Variants in FSHR observed in about 807,000 individuals in gnomAD.
FSHR encodes follicle-stimulating hormone receptor.
A neutral mutation model predicts 52.1 loss-of-function variants in FSHR; 46 were observed. That is an observed-to-expected ratio of 0.88 (90% CI 0.70 to 1.13). The LOEUF is 1.13. Among genes scored for constraint, FSHR ranks in the 50% most tolerant of loss-of-function variants. FSHR has a pLI of 0.00. For synonymous variants in FSHR, 399 were observed against 309.6 expected (o/e 1.29, Z -3.03); for missense variants, 964 against 834.6 (o/e 1.16, Z -1.91).
In FSHR at chr2:48,988,999, G is replaced by T. The variant is rs770051280; in HGVS notation, c.502C>A (p.Leu168Met). 1.9e-6 allele frequency: 3 copies of T among 1,613,868 alleles called. No individual in the cohort carries two copies. Reference protein sequence around the residue: ...HTIERNSFVGLSFESVILWLN... With the variant: ...HTIERNSFVGMSFESVILWLN... ...TACAGAATCACACTTTCAAAGCTCA[G>T]CCCCACGAAAGAATTTCTTTCAATT... Residue 168 changes from leucine (L) to methionine (M), a missense_variant, in exon 6 of 10, where the codon CTG becomes ATG. Physicochemically the swap from Leu to Met is conservative, Grantham distance 15. Coordinates refer to ENST00000406846, the MANE Select transcript of FSHR (RefSeq NM_000145.4).
intron 2 of FSHR, among the ~76,000 whole-genome samples, chr2:49,021,321 G>A (rs1465168848): frequency 6.6e-6 from 1 of 152,066 alleles, no homozygotes; most frequent in African/African-American, 2.4e-5. Flanking sequence ...AGGAGAGAGG[G>A]CAGCTTAATC....
intron 4 of FSHR, among the ~76,000 whole-genome samples, chr2:49,000,934 T>C (rs1167657375): frequency 1.3e-5 from 2 of 152,120 alleles, no homozygotes; most frequent in African/African-American, 4.8e-5. Context: ...CTGACCCAGA[T>C]TTTTCTTCTA....
At chr2:49,130,892 T>A (rs1242605067) in intron 1 of FSHR, among the ~76,000 whole-genome samples, 1 of 152,190 alleles carries the variant, frequency 6.6e-6, no homozygotes, top group Non-Finnish European at 1.5e-5. Flanking sequence ...AAGGGGGCTG[T>A]TATAGAGTTC....
At chr2:49,063,592 C>T (rs1182943801) in intron 2 of FSHR, among the ~76,000 whole-genome samples, 1 of 152,070 alleles carries the variant, frequency 6.6e-6, no homozygotes, top group Non-Finnish European at 1.5e-5. Context: ...ACTGCATGTT[C>T]TCACTCATAT....
intron 1 of FSHR, among the ~76,000 whole-genome samples, chr2:49,130,347 A>G (rs932596969): frequency 2.6e-5 from 4 of 152,156 alleles, no homozygotes; most frequent in Non-Finnish European, 4.4e-5. Flanking sequence ...TCCTGGGGTA[A>G]ATCGCTTAAT....
At chr2:49,120,704 A>G (rs1343518574) in intron 1 of FSHR, among the ~76,000 whole-genome samples, 1 of 86,934 alleles carries the variant, frequency 1.2e-5, no homozygotes, top group Non-Finnish European at 2.4e-5. Context: ...CTTTGGACAT[A>G]TTATACAACC....
chr2:49,051,779 CT>C (rs1443855092), intron 2 of FSHR, among the ~76,000 whole-genome samples: 8 of 146,864 alleles, frequency 5.4e-5, no homozygotes, highest in African/African-American at 2.2e-4. Context: ...TGCCTATCCC[CT>C]GATTGTAAAA....
At chr2:49,018,069 T>C (rs1439412627) in intron 3 of FSHR, among the ~76,000 whole-genome samples, 2 of 151,888 alleles carry the variant, frequency 1.3e-5, no homozygotes, top group South Asian at 4.2e-4. Flanking sequence ...CAAAAAGGTA[T>C]TGGAGGAAAA....
chr2:48,980,286 A>C (rs1369310902), intron 8 of FSHR, among the ~76,000 whole-genome samples: 1 of 152,188 alleles, frequency 6.6e-6, no homozygotes, highest in East Asian at 1.9e-4. Flanking sequence ...GTGCTTCCTA[A>C]TTCCATGGAT....
chr2:49,090,439 ATAAG>A (rs757092494), intron 1 of FSHR, among the ~76,000 whole-genome samples: 8 of 152,198 alleles, frequency 5.3e-5, no homozygotes, highest in Non-Finnish European at 8.8e-5. Context: ...GTATAGGTCA[ATAAG>A]TAGTTTGTTC....
chr2:49,143,495 T>C (rs963645629), intron 1 of FSHR, among the ~76,000 whole-genome samples: 2 of 152,194 alleles, frequency 1.3e-5, no homozygotes, highest in Non-Finnish European at 2.9e-5. Context: ...AGTGGAACTA[T>C]GGAGACAGAG....
intron 1 of FSHR, among the ~76,000 whole-genome samples, chr2:49,106,421 AG>A (rs1044870754): frequency 6.6e-6 from 1 of 152,194 alleles, no homozygotes; most frequent in African/African-American, 2.4e-5. Context: ...GCATGGGGGA[AG>A]GCAATGATAG....
chr2:49,064,846 G>A (rs777935769), intron 2 of FSHR, among the ~76,000 whole-genome samples: 3 of 152,110 alleles, frequency 2.0e-5, no homozygotes, highest in Non-Finnish European at 2.9e-5. Context: ...TGGTTTGGAA[G>A]AACTTGGAAA....
chr2:48,999,387 T>G (rs576824950), intron 4 of FSHR, among the ~76,000 whole-genome samples: 1 of 152,100 alleles, frequency 6.6e-6, no homozygotes, highest in African/African-American at 2.4e-5. Context: ...CAGCTAGAGG[T>G]TGAATTTAGA....
chr2:49,072,468 C>T (rs1398774366), intron 1 of FSHR, among the ~76,000 whole-genome samples: 1 of 151,958 alleles, frequency 6.6e-6, no homozygotes, highest in African/African-American at 2.4e-5. Flanking sequence ...GCTTCCAATA[C>T]AATAAACTAC....
At chr2:49,081,866 T>C (rs78509491) in intron 1 of FSHR, among the ~76,000 whole-genome samples, 2,819 of 152,290 alleles carry the variant, frequency 0.019, 52 homozygotes, top group Middle Eastern at 0.027. Context: ...AGGAGAACGG[T>C]TTAAAAGATT....
chr2:49,083,048 T>G (rs1670238250), intron 1 of FSHR, among the ~76,000 whole-genome samples: 1 of 150,974 alleles, frequency 6.6e-6, no homozygotes, highest in South Asian at 2.1e-4. Context: ...AATTGTCAGA[T>G]TCACCAAAGT....
At chr2:49,009,429 G>A (rs1667191241) in intron 4 of FSHR, among the ~76,000 whole-genome samples, 1 of 151,272 alleles carries the variant, frequency 6.6e-6, no homozygotes, top group African/African-American at 2.4e-5. Context: ...GGTTACTGTA[G>A]CCTTGTAGTA....
At chr2:49,080,091 T>TA (rs1010319921) in intron 1 of FSHR, among the ~76,000 whole-genome samples, 2 of 151,734 alleles carry the variant, frequency 1.3e-5, no homozygotes, top group Non-Finnish European at 1.5e-5. Context: ...AATAAACATG[T>TA]AAAAAAAAGA....
Sources: gnomAD v4.1 joint callset for allele counts (sites outside exome capture counted in the v4.1 genomes callset) on GRCh38, gnomAD v4.1.1 for gene constraint, MANE v1.5 for transcripts, NCBI Gene and HGNC (gene_info 2026-07-23, HGNC 2026-07-21) for gene names.